NXPH1: variants seen among roughly 807,000 people sequenced by gnomAD.
The protein encoded by NXPH1 is neurexophilin 1.
Under a neutral mutation model 23.7 loss-of-function variants are expected in NXPH1, and 5 were observed. The ratio of observed to expected loss-of-function variants is 0.21; its 90% CI spans 0.11 to 0.44. The LOEUF (loss-of-function observed/expected upper bound fraction) is 0.44. NXPH1 is among the 20% of genes least tolerant of loss of function. The probability of loss-of-function intolerance (pLI) is 0.99; values close to 1 mark genes in which losing one functional copy is unlikely to be tolerated. For synonymous variants in NXPH1, 144 were observed against 122.2 expected (o/e 1.18, Z -1.18); for missense variants, 324 against 321.6 (o/e 1.01, Z -0.06).
chr7:8,488,465 T>A (rs1466819062), intron 2 of NXPH1, among the ~76,000 whole-genome samples: 1 of 152,148 alleles, frequency 6.6e-6, no homozygotes, highest in African/African-American at 2.4e-5. Context: ...AGCATAAAGC[T>A]AATCTTATAG....
Position 8,496,400 on chromosome 7 carries a change from A to T in NXPH1, c.54+60633A>T, listed in dbSNP as rs116708004. ...ACATTAAATAAAATTCAGACTTTTG[A>T]TGAATATCATAATCTTGACACTCTA... On this transcript the variant is annotated intron_variant, in intron 2 of 2. Coordinates refer to ENST00000405863, the MANE Select transcript of NXPH1 (RefSeq NM_152745.3). Among the ~76,000 whole-genome samples the T allele has an allele frequency of 3.7e-3, 559 of 152,176 alleles. 5 individuals carry two copies. The highest frequency in any genetic ancestry group is 0.013 in the African/African-American group (535 of 41,558).
intron 2 of NXPH1, among the ~76,000 whole-genome samples, chr7:8,484,318 C>CT (rs1009430344): frequency 1.3e-5 from 2 of 151,820 alleles, no homozygotes; most frequent in Non-Finnish European, 2.9e-5. Context: ...ACATAGCTTG[C>CT]TTTTTTGTGC....
At chr7:8,545,404 A>G (rs1432920365) in intron 2 of NXPH1, among the ~76,000 whole-genome samples, 1 of 151,554 alleles carries the variant, frequency 6.6e-6, no homozygotes, top group African/African-American at 2.4e-5. Flanking sequence ...AAGATGAAAA[A>G]TAGTATTAGA....
At chr7:8,570,890 C>G (rs1275738540) in intron 2 of NXPH1, among the ~76,000 whole-genome samples, 1 of 151,662 alleles carries the variant, frequency 6.6e-6, no homozygotes, top group Non-Finnish European at 1.5e-5. Flanking sequence ...ACCAAGAGAA[C>G]AATAGCAGTA....
intron 2 of NXPH1, among the ~76,000 whole-genome samples, chr7:8,743,145 T>A (rs1453109292): frequency 6.6e-6 from 1 of 152,214 alleles, no homozygotes; most frequent in Non-Finnish European, 1.5e-5. Context: ...GTTTGTTGGT[T>A]ACTTATTCAC....
At chr7:8,673,748 T>A (rs1479736611) in intron 2 of NXPH1, among the ~76,000 whole-genome samples, 1 of 152,138 alleles carries the variant, frequency 6.6e-6, no homozygotes, top group Non-Finnish European at 1.5e-5. Flanking sequence ...GACTAAGTGT[T>A]CAATATTAAT....
intron 2 of NXPH1, among the ~76,000 whole-genome samples, chr7:8,602,926 T>A (rs575002382): frequency 6.6e-6 from 1 of 152,302 alleles, no homozygotes; most frequent in South Asian, 2.1e-4. Context: ...CCTTCCTGCC[T>A]TAGCCTCCCG....
At chr7:8,612,571 C>A (rs1005938633) in intron 2 of NXPH1, among the ~76,000 whole-genome samples, 1 of 152,008 alleles carries the variant, frequency 6.6e-6, no homozygotes, top group African/African-American at 2.4e-5. Context: ...ATAAGAGAGT[C>A]TAATCAGTTC....
At chr7:8,535,194 G>C (rs1002843361) in intron 2 of NXPH1, among the ~76,000 whole-genome samples, 2 of 151,970 alleles carry the variant, frequency 1.3e-5, no homozygotes, top group Non-Finnish European at 2.9e-5. Context: ...TTATGCATTT[G>C]GTAGTAGTCC....
At chr7:8,712,282 C>T (rs1471521895) in intron 2 of NXPH1, among the ~76,000 whole-genome samples, 2 of 152,126 alleles carry the variant, frequency 1.3e-5, no homozygotes, top group Non-Finnish European at 2.9e-5. Context: ...ATATTTTTTA[C>T]AAGGCCATTC....
intron 2 of NXPH1, among the ~76,000 whole-genome samples, chr7:8,656,718 A>C (rs1323897103): frequency 1.5e-4 from 20 of 132,322 alleles, no homozygotes; most frequent in African/African-American, 2.5e-4. Flanking sequence ...AACAGTCCCC[A>C]GAGTGTGATG....
intron 2 of NXPH1, among the ~76,000 whole-genome samples, chr7:8,575,373 T>C (rs749639876): frequency 6.6e-6 from 1 of 152,208 alleles, no homozygotes; most frequent in Non-Finnish European, 1.5e-5. Context: ...TTTATACCTC[T>C]GGGTATTTTG....
intron 2 of NXPH1, among the ~76,000 whole-genome samples, chr7:8,628,286 C>T (rs749047281): frequency 4.0e-5 from 6 of 151,108 alleles, no homozygotes; most frequent in South Asian, 2.1e-4. Flanking sequence ...TATCTATCTT[C>T]GAAGTTTCAG....
intron 2 of NXPH1, among the ~76,000 whole-genome samples, chr7:8,559,054 A>C (rs901021419): frequency 6.6e-6 from 1 of 151,294 alleles, no homozygotes; most frequent in South Asian, 2.1e-4. Flanking sequence ...ATAACCTTCA[A>C]CTCCTGGGCT....
chr7:8,551,932 T>G (rs532444158), intron 2 of NXPH1, among the ~76,000 whole-genome samples: 3 of 151,456 alleles, frequency 2.0e-5, no homozygotes, highest in East Asian at 2.0e-4. Context: ...TTTAAAGATG[T>G]GCATATTTTT....
chr7:8,733,060 A>G (rs1449831452), intron 2 of NXPH1, among the ~76,000 whole-genome samples: 2 of 150,974 alleles, frequency 1.3e-5, no homozygotes, highest in Non-Finnish European at 3.0e-5. Context: ...CCCTGTGTGT[A>G]ATGTTTCCCT....
At chr7:8,682,436 G>C (rs768246865) in intron 2 of NXPH1, among the ~76,000 whole-genome samples, 4 of 152,084 alleles carry the variant, frequency 2.6e-5, no homozygotes, top group Non-Finnish European at 5.9e-5. Flanking sequence ...CTCACACAAT[G>C]ATTAAATGAT....
chr7:8,648,660 C>T (rs954099659), intron 2 of NXPH1, among the ~76,000 whole-genome samples: 2 of 152,200 alleles, frequency 1.3e-5, no homozygotes, highest in East Asian at 3.9e-4. Flanking sequence ...TACATAAATC[C>T]CTCATGTGTG....
chr7:8,448,483 T>G (rs1816444651), intron 2 of NXPH1, among the ~76,000 whole-genome samples: 1 of 152,166 alleles, frequency 6.6e-6, no homozygotes, highest in South Asian at 2.1e-4. Flanking sequence ...GCCATATGTA[T>G]TTAGAGTGGA....
Sources: gnomAD v4.1 joint callset for allele counts (sites outside exome capture counted in the v4.1 genomes callset) on GRCh38, gnomAD v4.1.1 for gene constraint, MANE v1.5 for transcripts, NCBI Gene and HGNC (gene_info 2026-07-23, HGNC 2026-07-21) for gene names.